The following TAPT1 variants were observed in gnomAD, a reference collection of about 807,000 sequenced individuals.
TAPT1 encodes the protein transmembrane anterior posterior transformation protein 1 homolog.
In TAPT1, 28 loss-of-function variants were observed where a neutral mutation model predicts 65.6. That is an observed-to-expected ratio of 0.43 (90% CI 0.32 to 0.59). TAPT1 has a LOEUF of 0.59. TAPT1 is among the 20% of genes least tolerant of loss of function. The probability of loss-of-function intolerance (pLI) is 0.09; values close to 1 mark genes in which losing one functional copy is unlikely to be tolerated. For synonymous variants in TAPT1, 278 were observed against 245.2 expected (o/e 1.13, Z -1.25); for missense variants, 563 against 679.9 (o/e 0.83, Z 1.91).
chr4:16,209,627 G>C (rs1157543223), intron 2 of TAPT1, among the ~76,000 whole-genome samples: 1 of 152,108 alleles, frequency 6.6e-6, no homozygotes, highest in East Asian at 1.9e-4. Context: ...TGTTCCTAGG[G>C]GACCTAAATG....
At chr4:16,188,792 C>T (rs1391129816) in intron 4 of TAPT1, among the ~76,000 whole-genome samples, 2 of 151,882 alleles carry the variant, frequency 1.3e-5, no homozygotes, top group East Asian at 1.9e-4. Flanking sequence ...TGGTGGCAGG[C>T]GCCTGTAGTC....
At chr4:16,220,840 T>A (rs1751212627) in intron 1 of TAPT1, among the ~76,000 whole-genome samples, 1 of 152,178 alleles carries the variant, frequency 6.6e-6, no homozygotes, top group South Asian at 2.1e-4. Flanking sequence ...AATTTTCTTT[T>A]TTTTTTGAGA....
chr4:16,204,050 C>T (rs185601875), intron 2 of TAPT1, among the ~76,000 whole-genome samples: 1 of 152,286 alleles, frequency 6.6e-6, no homozygotes, highest in Non-Finnish European at 1.5e-5. Context: ...CAAAGCAGTA[C>T]AGCAGGAGGC....
At position 16,166,757 on chromosome 4, in the gene TAPT1, C is replaced by T. The variant is rs1180709851; in HGVS notation, c.1350G>A (p.Leu450=). The change falls in exon 13 of 14, where the codon CTG becomes CTA. Residue 450 remains leucine, a synonymous_variant. Transcript: ENST00000405303. The stretch of plus-strand genomic sequence containing the variant: ...TCACATACTGGCACGATTTCCCCAA[C>T]AGCACGATGCTATTAAGTACTTTCA... ...ISLKVLNSIV[L]LGKSCQYVKE... The T allele has an allele frequency of 6.2e-7, 1 of 1,613,932 alleles. No individual in the cohort carries two copies. The highest frequency in any genetic ancestry group is 8.5e-7 in the Non-Finnish European group (1 of 1,179,884).
At chr4:16,171,263 T>C (rs544286545) in intron 11 of TAPT1, among the ~76,000 whole-genome samples, 1 of 152,330 alleles carries the variant, frequency 6.6e-6, no homozygotes, top group South Asian at 2.1e-4. Context: ...AAGTTTTGTA[T>C]TTAGAAAAAC....
intron 3 of TAPT1, among the ~76,000 whole-genome samples, chr4:16,195,150 G>A (rs1361785904): frequency 6.6e-6 from 1 of 152,174 alleles, no homozygotes; most frequent in African/African-American, 2.4e-5. Flanking sequence ...CTCTTTCTAA[G>A]AAAAGACCTA....
chr4:16,186,475 TC>T, intron 7 of TAPT1, 59 bp downstream of exon 7: 1 of 1,155,920 alleles, frequency 8.7e-7, no homozygotes. Context: ...CATTAGGATT[TC>T]AGAATGAACT....
At chr4:16,227,003 G>T (rs1037828489), upstream of TAPT1, 19 of 445,858 alleles carry the variant, frequency 4.3e-5, no homozygotes, top group African/African-American at 3.2e-4. Context: ...CCGCGGCGGC[G>T]GGGGCCCGGC....
upstream of TAPT1, chr4:16,226,556 C>G: frequency 4.4e-6 from 3 of 674,790 alleles, no homozygotes; most frequent in Non-Finnish European, 5.5e-6. Context: ...GAGCCCGAGC[C>G]GCCGCCGCCG....
rs4501221 is a variant in TAPT1, at chr4:16,167,101, T to A, written c.1314-308A>T. Among the ~76,000 whole-genome samples, 36,419 of 150,748 alleles carry A rather than the reference T, an allele frequency of 0.24. 5,920 individuals are homozygous for A. Among genetic ancestry groups the A allele is most frequent in the African/African-American group, 0.46 (18,951 of 40,822 alleles). On this transcript the variant is annotated intron_variant, in intron 12 of 13. Coordinates refer to ENST00000405303, the MANE Select transcript of TAPT1 (RefSeq NM_153365.3). ...CCTCCGCCTCCTGGGTTCATGCAAT[T>A]CTTGGCCTCAGCCTCCCAAGTAGCT... is the stretch of plus-strand genomic sequence containing the variant.
At chr4:16,227,155 G>A (rs1453730272), upstream of TAPT1, 3 of 455,956 alleles carry the variant, frequency 6.6e-6, no homozygotes, top group African/African-American at 2.0e-5. Flanking sequence ...GGGCAAGAAG[G>A]AGCTTGGGCA....
chr4:16,200,874 C>G (rs1314270103), intron 3 of TAPT1, among the ~76,000 whole-genome samples: 4 of 152,092 alleles, frequency 2.6e-5, no homozygotes. Flanking sequence ...TTTAAAAAGG[C>G]TTGTTAATAA....
At chr4:16,201,605 A>G (rs1439635592) in intron 3 of TAPT1, among the ~76,000 whole-genome samples, 1 of 152,212 alleles carries the variant, frequency 6.6e-6, no homozygotes, top group Non-Finnish European at 1.5e-5. Context: ...AAAACCGTAA[A>G]AGCCAAACTC....
At chr4:16,221,549 T>C (rs1751257116) in intron 1 of TAPT1, among the ~76,000 whole-genome samples, 1 of 152,114 alleles carries the variant, frequency 6.6e-6, no homozygotes, top group South Asian at 2.1e-4. Context: ...AAAAACACAA[T>C]GTTTAATTAT....
At chr4:16,165,227 T>G (rs1399892640) in intron 13 of TAPT1, among the ~76,000 whole-genome samples, 1 of 152,154 alleles carries the variant, frequency 6.6e-6, no homozygotes, top group Non-Finnish European at 1.5e-5. Context: ...TTTTTCTCTC[T>G]TCAGCATCTC....
intron 2 of TAPT1, among the ~76,000 whole-genome samples, chr4:16,206,717 T>C (rs564143802): frequency 6.3e-4 from 95 of 151,980 alleles, no homozygotes; most frequent in Non-Finnish European, 1.1e-3. Context: ...CATAGGACAA[T>C]GGAAAGACAG....
chr4:16,173,788 C>G (rs1748155340), intron 11 of TAPT1, among the ~76,000 whole-genome samples: 4 of 152,068 alleles, frequency 2.6e-5, no homozygotes, highest in Non-Finnish European at 5.9e-5. Context: ...AGGATAATTC[C>G]TAGAAATGAA....
At chr4:16,178,761 AGACGCACC>A (rs1748512363) in intron 8 of TAPT1, among the ~76,000 whole-genome samples, 1 of 152,234 alleles carries the variant, frequency 6.6e-6, no homozygotes, top group Admixed American at 6.5e-5. Context: ...CTGAATTCAG[AGACGCACC>A]TAAGTAGCAA....
At chr4:16,222,547 A>G (rs1327930040) in intron 1 of TAPT1, among the ~76,000 whole-genome samples, 1 of 152,252 alleles carries the variant, frequency 6.6e-6, no homozygotes, top group Admixed American at 6.5e-5. Context: ...TATGTGATAT[A>G]GGTGAAGACT....
Sources: gnomAD v4.1 joint callset for allele counts (sites outside exome capture counted in the v4.1 genomes callset) on GRCh38, gnomAD v4.1.1 for gene constraint, MANE v1.5 for transcripts, NCBI Gene and HGNC (gene_info 2026-07-23, HGNC 2026-07-21) for gene names.